CCZ1B: variants seen among roughly 807,000 people sequenced by gnomAD.
CCZ1B encodes the protein CCZ1B vacuolar protein trafficking and biogenesis associated.
CCZ1B carries 25 observed loss-of-function variants against 58.8 expected under a neutral mutation model. The observed-to-expected ratio is 0.43, with a 90% CI of 0.31 to 0.59. The LOEUF (loss-of-function observed/expected upper bound fraction) is 0.59. Among genes scored for constraint, CCZ1B ranks in the 20% least tolerant of loss-of-function variants. CCZ1B has a pLI of 0.12. For synonymous variants in CCZ1B, 66 were observed against 173.2 expected, an observed-to-expected ratio of 0.38 and a Z score of 4.86; for missense variants, 180 against 501.5, an observed-to-expected ratio of 0.36 and a Z score of 6.12.
At chr7:6,810,438 G>C (rs1167834748) in intron 10 of CCZ1B, among the ~76,000 whole-genome samples, 1 of 148,952 alleles carries the variant, frequency 6.7e-6, no homozygotes, top group Non-Finnish European at 1.5e-5. Flanking sequence ...TCTGGTGCTG[G>C]ATATGAAACT....
At chr7:6,816,355 C>A (rs1782999384) in intron 7 of CCZ1B, among the ~76,000 whole-genome samples, 1 of 148,986 alleles carries the variant, frequency 6.7e-6, no homozygotes, top group South Asian at 2.1e-4. Flanking sequence ...ATAGCACACA[C>A]CTCTAATCCC....
intron 10 of CCZ1B, among the ~76,000 whole-genome samples, chr7:6,809,641 G>C (rs1562427915): frequency 8.3e-6 from 1 of 121,034 alleles, no homozygotes; most frequent in African/African-American, 3.6e-5. Flanking sequence ...TGCTTTTTCA[G>C]ACCACATCTT....
chr7:6,820,607 T>C (rs1228446373), intron 6 of CCZ1B, among the ~76,000 whole-genome samples: 1 of 148,830 alleles, frequency 6.7e-6, no homozygotes, highest in Admixed American at 6.7e-5. Context: ...TGAGCCACTG[T>C]GCCCAGCTAG....
At chr7:6,825,114 T>G (rs1468910415) in intron 1 of CCZ1B, among the ~76,000 whole-genome samples, 2 of 150,516 alleles carry the variant, frequency 1.3e-5, no homozygotes, top group African/African-American at 5.0e-5. Context: ...AGTCTCCAGG[T>G]TTCTTTCCTA....
At chr7:6,816,958 C>T (rs565470308) in intron 7 of CCZ1B, among the ~76,000 whole-genome samples, 2 of 151,872 alleles carry the variant, frequency 1.3e-5, no homozygotes, top group Non-Finnish European at 2.9e-5. Context: ...GAGATACAGT[C>T]TCACTATGCT....
rs1288980700 is a variant in CCZ1B at position 6,802,027 on chromosome 7, T to C, written c.1107-504A>G. On this transcript the variant is annotated intron_variant, in intron 12 of 14. Coordinates refer to ENST00000316731, the MANE Select transcript of CCZ1B (RefSeq NM_198097.5). ...GACATCTGAGATACTTATTATTGGGTCCTTTACCGTAAAAGTCTGCTGACC... is the reference window on the plus strand; with the variant it reads ...GACATCTGAGATACTTATTATTGGGCCCTTTACCGTAAAAGTCTGCTGACC... 9.7e-4 allele frequency among the ~76,000 whole-genome samples: 104 copies of C among 107,322 alleles called. 6 individuals carry two copies. The highest frequency in any genetic ancestry group is 3.4e-3 in the African/African-American group (99 of 29,024). The allele number at this position is 107,322 out of a possible 152,430, so 70.4% of individuals were successfully genotyped here. A position where few individuals can be genotyped will look rare whatever the true frequency, so the allele number is the denominator to read the frequency against.
intron 10 of CCZ1B, among the ~76,000 whole-genome samples, chr7:6,809,318 A>C: frequency 9.2e-6 from 1 of 108,318 alleles, no homozygotes; most frequent in African/African-American, 4.0e-5. Flanking sequence ...TGTACATTTT[A>C]AGTGTAGGAG....
At chr7:6,814,866 T>C in intron 7 of CCZ1B, 21 bp from the exon 8 acceptor site, 1 of 1,551,194 alleles carries the variant, frequency 6.4e-7, no homozygotes, top group South Asian at 1.2e-5. Flanking sequence ...AGAAAAGCAC[T>C]GGGTTAAACG....
intron 10 of CCZ1B, chr7:6,806,958 CAAGAG>C (rs1284474895): frequency 7.1e-6 from 1 of 141,520 alleles, no homozygotes; most frequent in Non-Finnish European, 1.5e-5. Flanking sequence ...GATCCTGTCT[CAAGAG>C]AAGAAAGATC....
At chr7:6,816,673 G>C (rs1390568927) in intron 7 of CCZ1B, among the ~76,000 whole-genome samples, 1 of 150,640 alleles carries the variant, frequency 6.6e-6, no homozygotes, top group Non-Finnish European at 1.5e-5. Flanking sequence ...TGGGACTATA[G>C]GTATGTGCAC....
chr7:6,814,745 G>A lies in CCZ1B; in HGVS notation c.780+19C>T, dbSNP rs1168746187. 1.3e-6 allele frequency: 2 copies of A among 1,597,462 alleles called. No homozygotes were observed. The highest frequency in any genetic ancestry group is 2.8e-5 in the African/African-American group (2 of 70,262). ...GTGCCCCTGCATGTAATTGTGTGCA[G>A]CTATGGTACCCATCATACCTCAGGT... On this transcript the variant is annotated intron_variant, in intron 8 of 14. Coordinates refer to ENST00000316731, the MANE Select transcript of CCZ1B (RefSeq NM_198097.5).
chr7:6,817,031 T>C (rs1783013657), intron 7 of CCZ1B, among the ~76,000 whole-genome samples: 1 of 152,302 alleles, frequency 6.6e-6, no homozygotes, highest in South Asian at 2.1e-4. Context: ...CCCAAAGTGC[T>C]GGGATGACAG....
intron 8 of CCZ1B, 65 bp downstream of exon 8, chr7:6,814,699 C>T (rs1036268040): frequency 3.3e-5 from 47 of 1,414,272 alleles, no homozygotes; most frequent in Non-Finnish European, 4.5e-5. Context: ...GCACCACCAT[C>T]TCACTCCACC....
chr7:6,808,149 G>T (rs1782861340), intron 10 of CCZ1B, among the ~76,000 whole-genome samples: 1 of 124,554 alleles, frequency 8.0e-6, no homozygotes, highest in African/African-American at 2.7e-5. Flanking sequence ...TCCACCTCTG[G>T]AGGGCTGGAG....
In CCZ1B at chr7:6,812,987, T is replaced by C. The variant is rs775203430; in HGVS notation, c.831A>G (p.Gln277=). ...PIRAEMPGNL[Q]HYGRFLTGPL... ...AACAGAAGTCCTACCTTCCATAGTG[T>C]TGAAGATTTCCTGGCATTTCTGCTC... Residue 277 remains glutamine, a synonymous_variant, in exon 9 of 15, where the codon CAA becomes CAG. Transcript: ENST00000316731. 6.3e-7 allele frequency: 1 copy of C among 1,582,502 alleles called. No homozygotes were observed. The highest frequency in any genetic ancestry group is 1.1e-5 in the South Asian group (1 of 88,536).
At chr7:6,816,811 G>T (rs1783008060) in intron 7 of CCZ1B, among the ~76,000 whole-genome samples, 1 of 151,774 alleles carries the variant, frequency 6.6e-6, no homozygotes, top group Non-Finnish European at 1.5e-5. Flanking sequence ...GGAGTACAGT[G>T]GTGCTATCAT....
chr7:6,823,132 C>T (rs995925207), intron 5 of CCZ1B, among the ~76,000 whole-genome samples, 181 bp downstream of exon 5: 2 of 148,890 alleles, frequency 1.3e-5, no homozygotes. Flanking sequence ...GAGTTCAATA[C>T]TTACTGAATA....
chr7:6,825,272 G>C lies in CCZ1B; in HGVS notation c.121-535C>G, dbSNP rs1296555542. ...TTTTCTTTTTCTGGAGATGGGGTCT[G>C]TGCTGCCCAGGCTGTAGTGCAGTGG... On this transcript the variant is annotated intron_variant, in intron 1 of 14. Transcript: ENST00000316731. Among the ~76,000 whole-genome samples the C allele has an allele frequency of 8.2e-5, 12 of 146,152 alleles. 1 individual carries two copies. Among genetic ancestry groups the C allele is most frequent in the African/African-American group, 3.2e-4 (12 of 37,448 alleles).
At chr7:6,825,611 G>C (rs889312090) in intron 1 of CCZ1B, among the ~76,000 whole-genome samples, 10 of 100,830 alleles carry the variant, frequency 9.9e-5, no homozygotes, top group African/African-American at 4.3e-4. Flanking sequence ...GACATCCTTT[G>C]AGAAAGTCGC....
Sources: gnomAD v4.1 joint callset for allele counts (sites outside exome capture counted in the v4.1 genomes callset) on GRCh38, gnomAD v4.1.1 for gene constraint, MANE v1.5 for transcripts, NCBI Gene and HGNC (gene_info 2026-07-23, HGNC 2026-07-21) for gene names.